Variants in FILIP1L observed in about 807,000 individuals in gnomAD.
FILIP1L encodes filamin A interacting protein 1 like, also known as filamin A-interacting protein 1-like.
FILIP1L carries 55 observed loss-of-function variants against 96.6 expected under a neutral mutation model. The ratio of observed to expected loss-of-function variants is 0.57; its 90% CI spans 0.46 to 0.71. The LOEUF is 0.71. Ranked by LOEUF, FILIP1L falls within the 30% of genes least tolerant of loss-of-function variation. FILIP1L has a pLI of 0.00. For missense variants in FILIP1L, 1,304 were observed against 1,321.2 expected (o/e 0.99, Z 0.20); for synonymous variants, 467 against 473.9 (o/e 0.99, Z 0.19).
intron 4 of FILIP1L, among the ~76,000 whole-genome samples, chr3:99,853,170 G>A (rs1654193466): frequency 6.6e-6 from 1 of 152,102 alleles, no homozygotes; most frequent in African/African-American, 2.4e-5. Context: ...AGAGTCCATG[G>A]GTAAACTGCT....
At chr3:100,064,752 A>C (rs544026356) in intron 1 of FILIP1L, among the ~76,000 whole-genome samples, 1 of 152,306 alleles carries the variant, frequency 6.6e-6, no homozygotes, top group South Asian at 2.1e-4. Flanking sequence ...GAACATTCTA[A>C]TAAGTTCCGT....
At chr3:99,874,319 T>C (rs1469829964) in intron 4 of FILIP1L, 1 of 152,234 alleles carries the variant, frequency 6.6e-6, no homozygotes, top group East Asian at 1.9e-4. Flanking sequence ...TCTGTTTGTC[T>C]CTTCCTCTGT....
chr3:99,989,684 A>ATT (rs201683932), intron 1 of FILIP1L, among the ~76,000 whole-genome samples: 64 of 58,384 alleles, frequency 1.1e-3, no homozygotes, highest in Middle Eastern at 0.015. Flanking sequence ...ATATATATAT[A>ATT]TTTTTTTTCT....
chr3:99,863,075 C>G (rs1230194308), intron 4 of FILIP1L, among the ~76,000 whole-genome samples: 1 of 152,106 alleles, frequency 6.6e-6, no homozygotes, highest in East Asian at 1.9e-4. Context: ...CTTTTTGGCA[C>G]CAGGGACCAG....
At chr3:99,870,030 A>T (rs573028592) in intron 4 of FILIP1L, among the ~76,000 whole-genome samples, 6 of 152,232 alleles carry the variant, frequency 3.9e-5, no homozygotes, top group African/African-American at 1.2e-4. Flanking sequence ...CATTTTCTTT[A>T]GCTAATTTGT....
chr3:99,981,344 A>T (rs137945489), intron 1 of FILIP1L, among the ~76,000 whole-genome samples: 3 of 152,302 alleles, frequency 2.0e-5, no homozygotes, highest in Non-Finnish European at 2.9e-5. Flanking sequence ...GAAATGACTT[A>T]GGAAGAGTCA....
At position 99,999,997 on chromosome 3, in the gene FILIP1L, GAAAAGA is replaced by G. The variant is rs561526093; in HGVS notation, c.-10-68973_-10-68968del. On this transcript the variant is annotated intron_variant, in intron 1 of 5. Coordinates refer to ENST00000477258, the MANE Select transcript of FILIP1L (RefSeq NM_001387850.1). ...CTCAGCCCTGGCTTAAAAACAAAAA[GAAAAGA>G]AATACCAGACTCCACCTCCAGAGTC... Among the ~76,000 whole-genome samples the G allele has an allele frequency of 1.7e-3, 253 of 152,224 alleles. No homozygotes were observed. In the Middle Eastern group the frequency reaches 0.027, roughly 16 times the overall value.
At chr3:99,954,522 C>T (rs1338264581) in intron 1 of FILIP1L, among the ~76,000 whole-genome samples, 3 of 152,092 alleles carry the variant, frequency 2.0e-5, no homozygotes, top group African/African-American at 4.8e-5. Flanking sequence ...TCAATTTCCT[C>T]ATTATAAAAT....
chr3:99,830,223 G>T lies in FILIP1L; in HGVS notation c.*191C>A, dbSNP rs1166364424. Reference sequence around the variant, plus strand: ...TGTGGGTCTAGGCCTGCGAGTGTTTGTGTGTGCATATACACATATAGAAGT... The same window carrying T: ...TGTGGGTCTAGGCCTGCGAGTGTTTTTGTGTGCATATACACATATAGAAGT... On this transcript the variant is annotated 3_prime_UTR_variant, in exon 6 of 6. Coordinates refer to ENST00000477258, the MANE Select transcript of FILIP1L (RefSeq NM_001387850.1). 1.3e-5 allele frequency: 4 copies of T among 308,496 alleles called. No individual in the cohort carries two copies. Among genetic ancestry groups the T allele is most frequent in the African/African-American group, 8.6e-5 (4 of 46,290 alleles). The allele number at this position is 308,496 out of a possible 1,614,324, so 19.1% of individuals were successfully genotyped here.
intron 1 of FILIP1L, among the ~76,000 whole-genome samples, chr3:100,014,334 T>G (rs1413575922): frequency 6.6e-6 from 1 of 152,142 alleles, no homozygotes; most frequent in Non-Finnish European, 1.5e-5. Flanking sequence ...AGATACTTAT[T>G]TCATTTCTTT....
intron 1 of FILIP1L, among the ~76,000 whole-genome samples, chr3:100,098,499 A>G (rs1199499828): frequency 1.3e-5 from 2 of 152,238 alleles, no homozygotes; most frequent in African/African-American, 4.8e-5. Context: ...GCAGATAGCA[A>G]GCACTCAAGA....
chr3:99,847,823 GT>G (rs2107519431), intron 5 of FILIP1L: 1 of 441,726 alleles, frequency 2.3e-6, no homozygotes, highest in South Asian at 9.5e-5. Context: ...GGTCCTGTTT[GT>G]TTTTAAGGAA....
chr3:100,099,094 G>C (rs924726097), intron 1 of FILIP1L, among the ~76,000 whole-genome samples: 1 of 152,158 alleles, frequency 6.6e-6, no homozygotes, highest in Non-Finnish European at 1.5e-5. Context: ...ACCCAGAGAA[G>C]TTTTGAACTG....
intron 1 of FILIP1L, among the ~76,000 whole-genome samples, chr3:99,954,821 G>C (rs1419265068): frequency 1.3e-5 from 2 of 150,840 alleles, no homozygotes; most frequent in Non-Finnish European, 2.9e-5. Context: ...GCAAGACTCT[G>C]TCTCAAAAAA....
intron 1 of FILIP1L, among the ~76,000 whole-genome samples, chr3:100,074,270 C>T (rs1437085016): frequency 1.3e-5 from 2 of 152,110 alleles, no homozygotes; most frequent in Non-Finnish European, 2.9e-5. Flanking sequence ...CGCTGCTTTC[C>T]CAGGCCAGCT....
chr3:99,831,712 C>T (rs745628420), intron 5 of FILIP1L, among the ~76,000 whole-genome samples: 4 of 152,234 alleles, frequency 2.6e-5, no homozygotes, highest in Non-Finnish European at 4.4e-5. Flanking sequence ...ATGTTGGGAT[C>T]GTCTTTAAAT....
At chr3:100,082,800 T>C (rs1025231577) in intron 1 of FILIP1L, among the ~76,000 whole-genome samples, 3 of 152,210 alleles carry the variant, frequency 2.0e-5, no homozygotes, top group Non-Finnish European at 2.9e-5. Flanking sequence ...TTTTTCAGCA[T>C]GGTAGTCATA....
chr3:99,996,834 C>T (rs1484317315), intron 1 of FILIP1L, among the ~76,000 whole-genome samples: 2 of 151,798 alleles, frequency 1.3e-5, no homozygotes, highest in East Asian at 1.9e-4. Flanking sequence ...CCTCCCACAA[C>T]ACATGGGAAT....
chr3:100,094,799 T>A (rs1220994793), intron 1 of FILIP1L, among the ~76,000 whole-genome samples: 2 of 145,806 alleles, frequency 1.4e-5, no homozygotes, highest in Non-Finnish European at 3.0e-5. Flanking sequence ...TTCTCCTGCC[T>A]CAGCCTCCCA....
Sources: gnomAD v4.1 joint callset for allele counts (sites outside exome capture counted in the v4.1 genomes callset) on GRCh38, gnomAD v4.1.1 for gene constraint, MANE v1.5 for transcripts, NCBI Gene and HGNC (gene_info 2026-07-23, HGNC 2026-07-21) for gene names.